Variants in ATOSA observed in about 807,000 individuals in gnomAD.
ATOSA encodes atos homolog A, also known as atos homolog protein A.
At chr15:52,698,233 C>T in the ATOSA span, among the ~76,000 whole-genome samples, 135 of 151,984 alleles carry the variant, frequency 8.9e-4, no homozygotes, top group African/African-American at 3.1e-3. Flanking sequence ...CCCGCCTCGG[C>T]CTCCCAAAGT....
the ATOSA span, among the ~76,000 whole-genome samples, chr15:52,696,480 G>A: frequency 6.6e-6 from 1 of 152,078 alleles, no homozygotes; most frequent in Non-Finnish European, 1.5e-5. Context: ...ATTACAGAGG[G>A]TCCTAGCTTG....
chr15:52,654,705 A>G, the ATOSA span, among the ~76,000 whole-genome samples: 1 of 152,186 alleles, frequency 6.6e-6, no homozygotes, highest in Non-Finnish European at 1.5e-5. Flanking sequence ...AAACAAAACT[A>G]TGTTTTCCAA....
chr15:52,707,477 T>G, the ATOSA span, among the ~76,000 whole-genome samples: 1 of 152,108 alleles, frequency 6.6e-6, no homozygotes, highest in Non-Finnish European at 1.5e-5. Flanking sequence ...CGGCCTACAT[T>G]CTTCAAAAAT....
the ATOSA span, among the ~76,000 whole-genome samples, chr15:52,644,542 G>A: frequency 3.0e-3 from 464 of 152,280 alleles, 3 homozygotes; most frequent in African/African-American, 0.011. Context: ...ACATGAACAG[G>A]TAGGCACTCA....
At chr15:52,650,926 C>T in the ATOSA span, among the ~76,000 whole-genome samples, 39 of 152,310 alleles carry the variant, frequency 2.6e-4, no homozygotes, top group African/African-American at 8.9e-4. Flanking sequence ...ACTTTAATTT[C>T]ACAGTATTTG....
chr15:52,634,207 C>T, the ATOSA span, among the ~76,000 whole-genome samples: 36 of 151,990 alleles, frequency 2.4e-4, no homozygotes, highest in Admixed American at 2.1e-3. Context: ...CCAGGCTGGG[C>T]GGATCACCTG....
At chr15:52,701,697 T>C in the ATOSA span, among the ~76,000 whole-genome samples, 2 of 152,158 alleles carry the variant, frequency 1.3e-5, no homozygotes, top group Non-Finnish European at 2.9e-5. Context: ...CAGATACTAT[T>C]AAGAACAATA....
the ATOSA span, among the ~76,000 whole-genome samples, chr15:52,595,335 C>T: frequency 6.6e-6 from 1 of 152,256 alleles, no homozygotes; most frequent in Non-Finnish European, 1.5e-5. Flanking sequence ...GTATTCCTAG[C>T]ACATAGTAAG....
At chr15:52,610,787 CTA>C in the ATOSA span, among the ~76,000 whole-genome samples, 1 of 152,190 alleles carries the variant, frequency 6.6e-6, no homozygotes, top group Non-Finnish European at 1.5e-5. Context: ...GTTTAGCAGC[CTA>C]TATGTTTACA....
the ATOSA span, among the ~76,000 whole-genome samples, chr15:52,644,116 GTCTT>G: frequency 6.6e-6 from 1 of 150,934 alleles, no homozygotes; most frequent in Admixed American, 6.6e-5. Context: ...TGGAAAGATG[GTCTT>G]TCTATGTTGC....
the ATOSA span, among the ~76,000 whole-genome samples, chr15:52,663,198 G>T: frequency 7.9e-5 from 12 of 152,066 alleles, no homozygotes; most frequent in East Asian, 2.3e-3. Flanking sequence ...TCCCTTCCCT[G>T]CCCCAATCTC....
the ATOSA span, among the ~76,000 whole-genome samples, chr15:52,675,347 C>A: frequency 6.6e-6 from 1 of 152,140 alleles, no homozygotes; most frequent in East Asian, 1.9e-4. Context: ...ACCAATGCTC[C>A]CCACACCTTC....
the ATOSA span, among the ~76,000 whole-genome samples, chr15:52,709,039 G>A: frequency 6.6e-6 from 1 of 152,080 alleles, no homozygotes. Context: ...GAGAGTATGG[G>A]AGAGTACTCC....
the ATOSA span, among the ~76,000 whole-genome samples, chr15:52,692,364 G>C: frequency 1.3e-5 from 2 of 152,102 alleles, no homozygotes; most frequent in African/African-American, 4.8e-5. Flanking sequence ...TAAGAAAAGA[G>C]GAAAACTTTT....
chr15:52,636,620 C>G, the ATOSA span, among the ~76,000 whole-genome samples: 1 of 152,164 alleles, frequency 6.6e-6, no homozygotes, highest in Admixed American at 6.5e-5. Context: ...CTTGGGCTTC[C>G]CAAACTCCAG....
At chr15:52,647,241 T>TAA in the ATOSA span, among the ~76,000 whole-genome samples, 3 of 150,940 alleles carry the variant, frequency 2.0e-5, no homozygotes, top group East Asian at 3.9e-4. Flanking sequence ...TTAGTTTATG[T>TAA]AAAAAAAAAA....
chr15:52,634,578 A>T, the ATOSA span, among the ~76,000 whole-genome samples: 2 of 149,008 alleles, frequency 1.3e-5, no homozygotes, highest in Non-Finnish European at 3.0e-5. Flanking sequence ...ACTATATATG[A>T]CTTAAAAGAT....
the ATOSA span, chr15:52,609,459 A>G: frequency 6.2e-7 from 1 of 1,613,698 alleles, no homozygotes; most frequent in Non-Finnish European, 8.5e-7. Flanking sequence ...TCCTTGCAAT[A>G]ACATCTTGCC....
At chr15:52,622,958 A>G in the ATOSA span, among the ~76,000 whole-genome samples, 1 of 127,850 alleles carries the variant, frequency 7.8e-6, no homozygotes, top group Non-Finnish European at 1.6e-5. Context: ...CACTGTCCCT[A>G]TTATAAATAA....
Sources: gnomAD v4.1 joint callset for allele counts (sites outside exome capture counted in the v4.1 genomes callset) on GRCh38, gnomAD v4.1.1 for gene constraint, MANE v1.5 for transcripts, NCBI Gene and HGNC (gene_info 2026-07-23, HGNC 2026-07-21) for gene names.